The following DYNC1I1 variants were observed in gnomAD, a reference collection of about 807,000 sequenced individuals.
DYNC1I1 encodes cytoplasmic dynein 1 intermediate chain 1.
In DYNC1I1, 43 loss-of-function variants were observed where a neutral mutation model predicts 86.6. The observed-to-expected ratio is 0.50, with a 90% CI of 0.39 to 0.64. The LOEUF is 0.64. Ranked by LOEUF, DYNC1I1 falls within the 30% of genes least tolerant of loss-of-function variation. The pLI is 0.00. For synonymous variants in DYNC1I1, 262 were observed against 283.7 expected (o/e 0.92, Z 0.77); for missense variants, 604 against 788.8 (o/e 0.77, Z 2.81).
At chr7:95,954,938 A>G (rs1241547522) in intron 6 of DYNC1I1, among the ~76,000 whole-genome samples, 1 of 143,528 alleles carries the variant, frequency 7.0e-6, no homozygotes, top group Non-Finnish European at 1.5e-5. Context: ...AAAAAAAAAA[A>G]GATATATGGA....
At chr7:95,854,575 A>T (rs1789667019) in intron 5 of DYNC1I1, among the ~76,000 whole-genome samples, 1 of 152,186 alleles carries the variant, frequency 6.6e-6, no homozygotes, top group Admixed American at 6.5e-5. Flanking sequence ...TTTACACACC[A>T]CCATTGCAGT....
chr7:95,821,128 C>T (rs60012156), intron 4 of DYNC1I1, among the ~76,000 whole-genome samples: 14,161 of 152,170 alleles, frequency 0.093, 698 homozygotes, highest in South Asian at 0.14. Flanking sequence ...TACAGAAAAG[C>T]CAGGTAAAGA....
intron 9 of DYNC1I1, among the ~76,000 whole-genome samples, chr7:95,995,533 C>G (rs75471781): frequency 6.6e-6 from 1 of 152,092 alleles, no homozygotes; most frequent in Admixed American, 6.5e-5. Flanking sequence ...CTTATTAAAG[C>G]CACTGGAGTA....
intron 6 of DYNC1I1, among the ~76,000 whole-genome samples, chr7:95,905,397 T>C (rs535929843): frequency 6.6e-6 from 1 of 152,254 alleles, no homozygotes; most frequent in African/African-American, 2.4e-5. Flanking sequence ...AAAACTCGAG[T>C]GCTGACAAGG....
At chr7:95,913,832 C>T (rs11773847) in intron 6 of DYNC1I1, among the ~76,000 whole-genome samples, 1 of 152,122 alleles carries the variant, frequency 6.6e-6, no homozygotes, top group Admixed American at 6.5e-5. Context: ...GTTGTGCTTC[C>T]TAATCTTTTT....
At chr7:95,958,889 G>T (rs565931264) in intron 6 of DYNC1I1, among the ~76,000 whole-genome samples, 1 of 152,264 alleles carries the variant, frequency 6.6e-6, no homozygotes, top group South Asian at 2.1e-4. Flanking sequence ...AATAAAACAC[G>T]ATTATGGCCC....
intron 6 of DYNC1I1, among the ~76,000 whole-genome samples, chr7:95,945,140 T>C (rs1357262709): frequency 6.6e-6 from 1 of 152,006 alleles, no homozygotes; most frequent in African/African-American, 2.4e-5. Context: ...GTTAATCAGA[T>C]GCATTTATGG....
chr7:95,985,001 T>G, intron 8 of DYNC1I1, 24 bp downstream of exon 8: 2 of 1,601,400 alleles, frequency 1.2e-6, no homozygotes, highest in Non-Finnish European at 1.7e-6. Context: ...GTGCATTCTT[T>G]AAAAAATAGC....
chr7:95,986,793 G>A (rs919976263), intron 8 of DYNC1I1, among the ~76,000 whole-genome samples: 7 of 151,768 alleles, frequency 4.6e-5, no homozygotes, highest in Non-Finnish European at 8.8e-5. Context: ...GCTTGGGACT[G>A]GTCAAGATGG....
intron 14 of DYNC1I1, among the ~76,000 whole-genome samples, chr7:96,057,482 C>G (rs973705099): frequency 6.6e-6 from 1 of 152,010 alleles, no homozygotes; most frequent in Non-Finnish European, 1.5e-5. Flanking sequence ...TTGAACTGTC[C>G]ACCTATTCTT....
chr7:96,109,126 T>C (rs1022347843), intron 16 of DYNC1I1, among the ~76,000 whole-genome samples: 1 of 152,166 alleles, frequency 6.6e-6, no homozygotes, highest in Non-Finnish European at 1.5e-5. Context: ...CCTCCTTTTC[T>C]GATTTTTATT....
intron 13 of DYNC1I1, among the ~76,000 whole-genome samples, chr7:96,038,960 A>T (rs1584269769): frequency 6.6e-6 from 1 of 152,336 alleles, no homozygotes; most frequent in Admixed American, 6.5e-5. Flanking sequence ...ATTTGTTTCC[A>T]TTAAAATAGC....
chr7:96,033,627 T>G (rs765748316), intron 12 of DYNC1I1, among the ~76,000 whole-genome samples: 1 of 152,200 alleles, frequency 6.6e-6, no homozygotes, highest in Non-Finnish European at 1.5e-5. Flanking sequence ...AGGAGATAAT[T>G]CTCAATGTTA....
intron 6 of DYNC1I1, among the ~76,000 whole-genome samples, chr7:95,893,609 A>G (rs983366988): frequency 9.2e-5 from 14 of 152,178 alleles, no homozygotes; most frequent in Non-Finnish European, 1.9e-4. Flanking sequence ...TTCCTATACA[A>G]GGTCCATCAT....
At chr7:95,924,027 G>T (rs1162766030) in intron 6 of DYNC1I1, among the ~76,000 whole-genome samples, 1 of 151,946 alleles carries the variant, frequency 6.6e-6, no homozygotes, top group African/African-American at 2.4e-5. Context: ...TCATTGCTTT[G>T]TACTTTGGGG....
At chr7:96,076,409 G>T (rs1348759854) in intron 15 of DYNC1I1, among the ~76,000 whole-genome samples, 2 of 152,226 alleles carry the variant, frequency 1.3e-5, no homozygotes, top group African/African-American at 4.8e-5. Context: ...CTAAACGGTG[G>T]CTGCTCTCGG....
intron 12 of DYNC1I1, 93 bp downstream of exon 12, chr7:96,032,873 C>G (rs1342420156): frequency 9.9e-7 from 1 of 1,015,046 alleles, no homozygotes; most frequent in African/African-American, 1.6e-5. Context: ...ACCCTCACAT[C>G]CTAGAGGAGC....
At chr7:95,944,148 C>A (rs201030257) in intron 6 of DYNC1I1, among the ~76,000 whole-genome samples, 6 of 150,810 alleles carry the variant, frequency 4.0e-5, no homozygotes, top group South Asian at 2.2e-4. Flanking sequence ...TAATATCCAG[C>A]ATCTACAATG....
intron 8 of DYNC1I1, among the ~76,000 whole-genome samples, chr7:95,986,822 AC>A (rs780267448): frequency 6.6e-6 from 1 of 151,896 alleles, no homozygotes; most frequent in Admixed American, 6.6e-5. Flanking sequence ...AACAAATCTG[AC>A]ATTTCATAAC....
Sources: allele counts gnomAD v4.1 joint callset (sites outside exome capture counted in the v4.1 genomes callset), GRCh38; gene constraint gnomAD v4.1.1; transcripts MANE v1.5; gene names NCBI Gene and HGNC (gene_info 2026-07-23, HGNC 2026-07-21).